The following MLLT6 variants were observed in gnomAD, a reference collection of about 807,000 sequenced individuals.
The protein encoded by MLLT6 is protein AF-17.
A neutral mutation model predicts 103.0 loss-of-function variants in MLLT6; 22 were observed. The observed-to-expected ratio is 0.21, with a 90% CI of 0.15 to 0.31. The LOEUF is 0.31. Among genes scored for constraint, MLLT6 ranks in the 10% least tolerant of loss-of-function variants. The pLI is 1.00. For missense variants in MLLT6, 1,199 were observed against 1,441.7 expected (o/e 0.83, Z 2.73); for synonymous variants, 606 against 623.5 (o/e 0.97, Z 0.42).
intron 4 of MLLT6, chr17:38,708,272 T>TG (rs774301632): frequency 5.6e-6 from 1 of 179,844 alleles, no homozygotes; most frequent in Non-Finnish European, 1.2e-5. Flanking sequence ...TAAATATCAG[T>TG]AAAAAGGCAA....
At position 38,716,090 on chromosome 17, in the gene MLLT6, A is replaced by G; in HGVS notation, c.1036+262A>G. ...CCCTACATTTGTGCTGCAAGGTACA[A>G]TTTTTCAAGAACCCCCATTAACATT... On this transcript the variant is annotated intron_variant, in intron 9 of 19. Coordinates refer to ENST00000621332, the MANE Select transcript of MLLT6 (RefSeq NM_005937.4). The surrounding 1 kb of genome is among the most constrained non-coding windows in gnomAD (Gnocchi z 5.6). 1.7e-6 allele frequency: 1 copy of G among 598,814 alleles called. No individual in the cohort carries two copies. The highest frequency in any genetic ancestry group is 2.9e-6 in the Non-Finnish European group (1 of 341,556). The allele number at this position is 598,814 out of a possible 1,614,324, so 37.1% of individuals were successfully genotyped here.
chr17:38,709,596 C>T lies in MLLT6; in HGVS notation c.552+21C>T, dbSNP rs757402971. The T allele has an allele frequency of 1.3e-6, 2 of 1,585,950 alleles. No individual in the cohort carries two copies. The highest frequency in any genetic ancestry group is 3.3e-5 in the Admixed American group (2 of 59,962). ...AGATGGTGAGTCCTGGCGACCAGCG[C>T]ATGAGCGGGTCAGTCAGCTGTGGTA... On this transcript the variant is annotated intron_variant, in intron 6 of 19. Transcript: ENST00000621332. The surrounding 1 kb of genome is among the most constrained non-coding windows in gnomAD (Gnocchi z 4.3).
In MLLT6 at chr17:38,709,466, T is replaced by G. The variant is rs1216513834; in HGVS notation, c.459-16T>G. 3.1e-6 allele frequency: 5 copies of G among 1,610,540 alleles called. No homozygotes were observed. Among genetic ancestry groups the G allele is most frequent in the Non-Finnish European group, 4.2e-6 (5 of 1,176,780 alleles). On this transcript the variant is annotated splice_polypyrimidine_tract_variant and intron_variant, in intron 5 of 19. Coordinates refer to ENST00000621332, the MANE Select transcript of MLLT6 (RefSeq NM_005937.4). This position sits in a 1 kb window ranked among gnomAD's most constrained non-coding sequence, Gnocchi z 4.3. ...ATCTGTGGCCTCAGCCGTCTCAGGC[T>G]GCCTTCTCTGGTTAGTGCCCAAATG...
chr17:38,708,930 T>C (rs142380554), intron 4 of MLLT6: 171 of 496,084 alleles, frequency 3.4e-4, no homozygotes, highest in African/African-American at 3.1e-3. Context: ...AACAATTAAA[T>C]ACAGTTTAGA....
intron 14 of MLLT6, 98 bp from the exon 15 acceptor site, chr17:38,720,274 A>G: frequency 1.6e-6 from 2 of 1,215,926 alleles, no homozygotes; most frequent in Non-Finnish European, 1.1e-6. Flanking sequence ...CGCCTTTTCA[A>G]GGGCTGAGCA....
intron 14 of MLLT6, chr17:38,720,115 C>T (rs1217441095): frequency 2.7e-6 from 2 of 732,824 alleles, no homozygotes; most frequent in Admixed American, 5.9e-5. Flanking sequence ...CGGGCCCCGA[C>T]CTTACCAAAC....
chr17:38,717,635 C>T (rs781649164), intron 11 of MLLT6, 22 bp downstream of exon 11: 5 of 1,608,796 alleles, frequency 3.1e-6, no homozygotes, highest in Admixed American at 1.7e-5. Context: ...CTCCTGGGCT[C>T]CTCCTTCCCT....
At position 38,727,962 on chromosome 17, in the gene MLLT6, T is replaced by G. The variant is rs1598006210; in HGVS notation, c.*2364T>G. ...GGTTGCCATGTTGAAGAGTGAGAGGTCCAAGTGATTCTGTGCATTGAAACC... is the reference window on the plus strand; with the variant it reads ...GGTTGCCATGTTGAAGAGTGAGAGGGCCAAGTGATTCTGTGCATTGAAACC... On this transcript the variant is annotated 3_prime_UTR_variant, in exon 20 of 20. Coordinates refer to ENST00000621332, the MANE Select transcript of MLLT6 (RefSeq NM_005937.4). 2 of 233,088 alleles carry G rather than the reference T, an allele frequency of 8.6e-6. No individual in the cohort carries two copies. Among genetic ancestry groups the G allele is most frequent in the Non-Finnish European group, 1.7e-5 (2 of 118,008 alleles). 14.4% of individuals were successfully genotyped at this position (233,088 alleles called of 1,614,324 possible).
chr17:38,715,950 A>C, intron 9 of MLLT6, 122 bp downstream of exon 9: 1 of 882,668 alleles, frequency 1.1e-6, no homozygotes, highest in Non-Finnish European at 1.7e-6. Context: ...GTTCAGGATA[A>C]AGATGGGGAA....
At chr17:38,723,522 A>T (rs1470542591) in intron 18 of MLLT6, among the ~76,000 whole-genome samples, 1 of 152,158 alleles carries the variant, frequency 6.6e-6, no homozygotes, top group Non-Finnish European at 1.5e-5. Context: ...AAAAAATAAG[A>T]AAAATCAACA....
At chr17:38,708,001 T>TACC in intron 4 of MLLT6, 129 bp downstream of exon 4, 1 of 658,644 alleles carries the variant, frequency 1.5e-6, no homozygotes, top group Non-Finnish European at 2.7e-6. Context: ...GGTGGGTAGG[T>TACC]ACCTACCAGT....
chr17:38,719,359 A>G, intron 12 of MLLT6, 158 bp from the exon 13 acceptor site: 1 of 668,138 alleles, frequency 1.5e-6, no homozygotes, highest in South Asian at 1.9e-5. Flanking sequence ...TTTCCAAGCC[A>G]GGGCCCTCAG....
Position 38,706,961 on chromosome 17 carries a change from A to G in MLLT6, c.121A>G (p.Ile41Val), listed in dbSNP as rs1215791143. 1 of 1,610,680 alleles carries G rather than the reference A, an allele frequency of 6.2e-7. No individual in the cohort carries two copies. Among genetic ancestry groups the G allele is most frequent in the Non-Finnish European group, 8.5e-7 (1 of 1,177,296 alleles). Residue 41 changes from isoleucine (I) to valine (V), a missense_variant, in exon 2 of 20, where the codon ATC (isoleucine) becomes GTC (valine). Transcript: ENST00000621332. ...SVAVHQACYG[I>V]VQVPTGPWFC... is the part of the protein sequence containing the mutation. ...CTCCCCACCCTCAGCTTGCTATGGC[A>G]TCGTTCAGGTGCCAACGGGACCCTG...
chr17:38,727,307 T>G lies in MLLT6; in HGVS notation c.*1709T>G, dbSNP rs905162286. Reference sequence around the variant, plus strand: ...TTGTAAGATGTTAGGGAGCTGATAATGGAGGGGGGTGGGAATCCTTCAAAG... The same window carrying G: ...TTGTAAGATGTTAGGGAGCTGATAAGGGAGGGGGGTGGGAATCCTTCAAAG... On this transcript the variant is annotated 3_prime_UTR_variant, in exon 20 of 20. Coordinates refer to ENST00000621332, the MANE Select transcript of MLLT6 (RefSeq NM_005937.4). 2 of 210,414 alleles carry G rather than the reference T, an allele frequency of 9.5e-6. No individual in the cohort carries two copies. Among genetic ancestry groups the G allele is most frequent in the African/African-American group, 2.3e-5 (1 of 42,768 alleles). The allele number at this position is 210,414 out of a possible 1,614,324, so 13.0% of individuals were successfully genotyped here.
Position 38,726,339 on chromosome 17 carries a change from C to T in MLLT6, c.*741C>T, listed in dbSNP as rs1906025536. 8.5e-6 allele frequency: 2 copies of T among 234,136 alleles called. No individual in the cohort carries two copies. Among genetic ancestry groups the T allele is most frequent in the African/African-American group, 4.4e-5 (2 of 45,174 alleles). The allele number at this position is 234,136 out of a possible 1,614,324, so 14.5% of individuals were successfully genotyped here. A position where few individuals can be genotyped will look rare whatever the true frequency, so the allele number is the denominator to read the frequency against. ...GCCGAGGGTGGGGAGATGGAGCTGCCCGTCTCAGTGTGTGAGTGTGTGTGT... is the reference window on the plus strand; with the variant it reads ...GCCGAGGGTGGGGAGATGGAGCTGCTCGTCTCAGTGTGTGAGTGTGTGTGT... On this transcript the variant is annotated 3_prime_UTR_variant, in exon 20 of 20. Coordinates refer to ENST00000621332, the MANE Select transcript of MLLT6 (RefSeq NM_005937.4).
In MLLT6 at chr17:38,719,599, G is replaced by T. The variant is rs1049576271; in HGVS notation, c.2009+16G>T. The T allele has an allele frequency of 6.3e-7, 1 of 1,596,550 alleles. No individual in the cohort carries two copies. The highest frequency in any genetic ancestry group is 1.7e-5 in the Admixed American group (1 of 58,298). On this transcript the variant is annotated intron_variant, in intron 13 of 19. Transcript: ENST00000621332. The stretch of plus-strand genomic sequence containing the variant: ...TGTCTTCCATGTGAGGGAAGGGGCA[G>T]CCTGGAGGAGGGGCTGGGGGCAGGA...
rs1371981401 is a variant in MLLT6 at position 38,728,837 on chromosome 17, CACTG to C, written c.*3244_*3247del. The C allele has an allele frequency of 2.6e-5, 6 of 233,964 alleles. No homozygotes were observed. The highest frequency in any genetic ancestry group is 1.3e-4 in the African/African-American group (6 of 45,356). The allele number at this position is 233,964 out of a possible 1,614,324, so 14.5% of individuals were successfully genotyped here. On this transcript the variant is annotated 3_prime_UTR_variant, in exon 20 of 20. Coordinates refer to ENST00000621332, the MANE Select transcript of MLLT6 (RefSeq NM_005937.4). Reference sequence around the variant, plus strand: ...CCGGGGTGGGAGGGTGTCTATGTGGCACTGACTGTCTTAGCTCAGAGCTGGTGGA... The same window carrying C: ...CCGGGGTGGGAGGGTGTCTATGTGGCACTGTCTTAGCTCAGAGCTGGTGGA...
rs1421788388 is a variant in MLLT6, at chr17:38,717,686, C to T, written c.1833+73C>T. 8.4e-6 allele frequency: 13 copies of T among 1,539,328 alleles called. No homozygotes were observed. In the Admixed American group the frequency reaches 2.4e-4, roughly 28 times the overall value. ...AGACTGACAGAGGACCCCAGCCTTC[C>T]ATGGGAATTGGAGCAACTGGGCTGA... On this transcript the variant is annotated intron_variant, in intron 11 of 19. Transcript: ENST00000621332.
intron 1 of MLLT6, among the ~76,000 whole-genome samples, 153 bp downstream of exon 1, chr17:38,705,894 C>A (rs1232068463): frequency 1.3e-5 from 2 of 151,774 alleles, no homozygotes; most frequent in Non-Finnish European, 2.9e-5. Flanking sequence ...TCCCCCCGCC[C>A]GGTCCTGGAA....
Sources: gnomAD v4.1 joint callset for allele counts (sites outside exome capture counted in the v4.1 genomes callset) on GRCh38, gnomAD v4.1.1 for gene constraint, Gnocchi (gnomAD v3.1) non-coding constraint, MANE v1.5 for transcripts, NCBI Gene and HGNC (gene_info 2026-07-23, HGNC 2026-07-21) for gene names.